The following ARSB variants were observed in gnomAD, a reference collection of about 807,000 sequenced individuals.
ARSB encodes arylsulfatase B, also known as N-acetylgalactosamine-4-sulfatase.
Under a neutral mutation model 50.9 loss-of-function variants are expected in ARSB, and 41 were observed. The observed-to-expected ratio is 0.81, with a 90% confidence interval of 0.63 to 1.04. ARSB has a LOEUF of 1.04. Among genes scored for constraint, ARSB ranks in the 50% least tolerant of loss-of-function variants. The pLI is 0.00. For synonymous variants in ARSB, 269 were observed against 284.8 expected, an observed-to-expected ratio of 0.94 and a Z score of 0.56; for missense variants, 672 against 693.3, an observed-to-expected ratio of 0.97 and a Z score of 0.35.
chr5:78,809,379 G>A lies in ARSB; in HGVS notation c.1214-27405C>T, dbSNP rs566360995. Among the ~76,000 whole-genome samples, 257 of 152,360 alleles carry A rather than the reference G, an allele frequency of 1.7e-3. 2 individuals carry two copies. In the South Asian group the frequency reaches 0.023, roughly 14 times the overall value. ...ACGGGAACAGCATGAGGAAAAGCAC[G>A]GCAGCACATTGGTGGTGTAGGTGTC... On this transcript the variant is annotated intron_variant, in intron 6 of 7. Coordinates refer to ENST00000264914, the MANE Select transcript of ARSB (RefSeq NM_000046.5).
chr5:78,984,848 C>T lies in ARSB; in HGVS notation c.312+89G>A, dbSNP rs557864386. ...CGGCGGTCCGAGCCCCGCCTGCCAG[C>T]GCCCGCGGCCTCAAGGGCCGGGTAG... On this transcript the variant is annotated intron_variant, in intron 1 of 7. Transcript: ENST00000264914. The T allele has an allele frequency of 4.0e-4, 441 of 1,093,876 alleles. 1 individual carries two copies. The Middle Eastern group carries it at 6.4e-3, about 16-fold the overall frequency. The allele number at this position is 1,093,876 out of a possible 1,614,324, so 67.8% of individuals were successfully genotyped here. A position where few individuals can be genotyped will look rare whatever the true frequency, so the allele number is the denominator to read the frequency against.
At chr5:78,912,355 A>G (rs1208395455) in intron 4 of ARSB, among the ~76,000 whole-genome samples, 1 of 152,234 alleles carries the variant, frequency 6.6e-6, no homozygotes, top group Non-Finnish European at 1.5e-5. Flanking sequence ...GAGGTTTGCC[A>G]GAAGGAAAGT....
chr5:78,834,607 GTATATA>G (rs58773415), intron 6 of ARSB, among the ~76,000 whole-genome samples: 2,540 of 85,600 alleles, frequency 0.03, 95 homozygotes, highest in Admixed American at 0.12. Flanking sequence ...ATATATATGT[GTATATA>G]TATATATATA....
At chr5:78,843,244 C>T (rs1330006287) in intron 5 of ARSB, among the ~76,000 whole-genome samples, 2 of 152,216 alleles carry the variant, frequency 1.3e-5, no homozygotes, top group African/African-American at 2.4e-5. Flanking sequence ...CAATAATCTG[C>T]ATTTCTAACA....
rs564479655 is a variant in ARSB at position 78,823,097 on chromosome 5, C to T, written c.1213+16259G>A. Among the ~76,000 whole-genome samples the T allele has an allele frequency of 5.9e-5, 9 of 152,302 alleles. No homozygotes were observed. In the South Asian group the frequency reaches 1.5e-3, roughly 25 times the overall value. On this transcript the variant is annotated intron_variant, in intron 6 of 7. Transcript: ENST00000264914. ...ACTGTAGGAACATTAATAAATTCTA[C>T]CATTGTCCCTATGAATGTGATGATT...
intron 6 of ARSB, among the ~76,000 whole-genome samples, chr5:78,832,857 A>T (rs1012537243): frequency 9.9e-5 from 15 of 152,174 alleles, no homozygotes; most frequent in African/African-American, 3.6e-4. Flanking sequence ...TCAAGCTTCT[A>T]CCAGCAGAAT....
At position 78,779,462 on chromosome 5, in the gene ARSB, T is replaced by C. The variant is rs1297557625; in HGVS notation, c.*935A>G. The C allele has an allele frequency of 6.6e-6, 1 of 152,186 alleles. No homozygotes were observed. Among genetic ancestry groups the C allele is most frequent in the Admixed American group, 6.5e-5 (1 of 15,270 alleles). 9.4% of individuals were successfully genotyped at this position (152,186 alleles called of 1,614,324 possible). A position where few individuals can be genotyped will look rare whatever the true frequency, so the allele number is the denominator to read the frequency against. ...TCACAATGACTAACTCCATGCAATATAGGAAAAGCCTCGCTGAACAGATGC... is the reference window on the plus strand; with the variant it reads ...TCACAATGACTAACTCCATGCAATACAGGAAAAGCCTCGCTGAACAGATGC... On this transcript the variant is annotated 3_prime_UTR_variant, in exon 8 of 8. Transcript: ENST00000264914.
chr5:78,934,320 A>G (rs1419886052), intron 4 of ARSB, among the ~76,000 whole-genome samples: 2 of 152,206 alleles, frequency 1.3e-5, no homozygotes, highest in African/African-American at 2.4e-5. Context: ...AGCATTCTGG[A>G]TGTCATTTGG....
chr5:78,838,552 C>T (rs1466822149), intron 6 of ARSB, among the ~76,000 whole-genome samples: 2 of 152,182 alleles, frequency 1.3e-5, no homozygotes, highest in Non-Finnish European at 2.9e-5. Flanking sequence ...AGAGCCTGAA[C>T]TAAGTGGGCA....
chr5:78,942,217 T>C (rs1026948755), intron 4 of ARSB, among the ~76,000 whole-genome samples: 26 of 150,490 alleles, frequency 1.7e-4, no homozygotes, highest in Middle Eastern at 3.4e-3. Context: ...ATTTTGTTGA[T>C]CTTTTCAAAA....
intron 6 of ARSB, among the ~76,000 whole-genome samples, chr5:78,795,772 T>C (rs1381852146): frequency 6.6e-6 from 1 of 152,194 alleles, no homozygotes; most frequent in Non-Finnish European, 1.5e-5. Flanking sequence ...GCTCATAATT[T>C]TTATATATGC....
chr5:78,876,375 T>C (rs1313196696), intron 5 of ARSB, among the ~76,000 whole-genome samples: 1 of 152,204 alleles, frequency 6.6e-6, no homozygotes, highest in Non-Finnish European at 1.5e-5. Flanking sequence ...ATACTTCTGC[T>C]TCCAGCCAAA....
At chr5:78,942,546 T>C (rs1187606474) in intron 4 of ARSB, among the ~76,000 whole-genome samples, 3 of 152,206 alleles carry the variant, frequency 2.0e-5, no homozygotes, top group African/African-American at 7.2e-5. Context: ...ATGTACCCAG[T>C]AGTCACTCAG....
At chr5:78,921,203 C>A (rs79139835) in intron 4 of ARSB, among the ~76,000 whole-genome samples, 2,587 of 152,188 alleles carry the variant, frequency 0.017, 77 homozygotes, top group African/African-American at 0.06. Context: ...AAACCCTCCA[C>A]AATCTCAGTT....
chr5:78,860,346 C>T (rs1239801174), intron 5 of ARSB, among the ~76,000 whole-genome samples: 1 of 152,146 alleles, frequency 6.6e-6, no homozygotes, highest in Non-Finnish European at 1.5e-5. Flanking sequence ...GCTAGCTCTT[C>T]TTGCTGAATT....
chr5:78,780,500 G>C lies in ARSB; in HGVS notation c.1499C>G (p.Ser500Cys), dbSNP rs1167396422. The C allele has an allele frequency of 6.2e-7, 1 of 1,614,168 alleles. No homozygotes were observed. Among genetic ancestry groups the C allele is most frequent in the East Asian group, 2.2e-5 (1 of 44,878 alleles). The change falls in exon 8 of 8, where the codon TCC becomes TGC. Residue 500 changes from serine to cysteine, a missense_variant. Physicochemically the swap from Ser to Cys is moderately radical, Grantham distance 112. Coordinates refer to ENST00000264914, the MANE Select transcript of ARSB (RefSeq NM_000046.5). ...GTGTTTATGGTAGAACTGTAGGCGG[G>C]ACAGGAGCTTTGTGACGATGTGAGG... The part of the protein sequence containing the change: ...EYPHIVTKLL[S>C]RLQFYHKHSV...
At chr5:78,863,370 A>G (rs1052578923) in intron 5 of ARSB, among the ~76,000 whole-genome samples, 3 of 152,218 alleles carry the variant, frequency 2.0e-5, no homozygotes, top group South Asian at 2.1e-4. Context: ...ATGTCCATCA[A>G]TGATAGACTG....
intron 6 of ARSB, among the ~76,000 whole-genome samples, chr5:78,837,323 G>A (rs1320453458): frequency 2.0e-5 from 3 of 152,140 alleles, no homozygotes; most frequent in African/African-American, 7.2e-5. Flanking sequence ...TACTCAGAAA[G>A]TTTTAAAGCC....
At chr5:78,956,682 TATG>T (rs1328393178) in intron 3 of ARSB, among the ~76,000 whole-genome samples, 4 of 152,222 alleles carry the variant, frequency 2.6e-5, no homozygotes, top group East Asian at 1.9e-4. Flanking sequence ...TACTAGACAG[TATG>T]ATAATAATTT....
Sources: allele counts gnomAD v4.1 joint callset (sites outside exome capture counted in the v4.1 genomes callset), GRCh38; gene constraint gnomAD v4.1.1; transcripts MANE v1.5; gene names NCBI Gene and HGNC (gene_info 2026-07-23, HGNC 2026-07-21).